TNFRSF8: variants seen among roughly 807,000 people sequenced by gnomAD.
TNFRSF8 encodes the protein TNF receptor superfamily member 8, also known as tumor necrosis factor receptor superfamily member 8.
In TNFRSF8, 26 loss-of-function variants were observed where a neutral mutation model predicts 70.8. That is an observed-to-expected ratio of 0.37 (90% CI 0.27 to 0.51). The LOEUF is 0.51. Ranked by LOEUF, TNFRSF8 falls within the 20% of genes least tolerant of loss-of-function variation. The probability of loss-of-function intolerance (pLI) is 0.94; values close to 1 mark genes in which losing one functional copy is unlikely to be tolerated. For synonymous variants in TNFRSF8, 356 were observed against 339.2 expected (o/e 1.05, Z -0.54); for missense variants, 720 against 807.9 (o/e 0.89, Z 1.32).
intron 3 of TNFRSF8, among the ~76,000 whole-genome samples, chr1:12,097,991 G>A (rs961513932): frequency 1.3e-5 from 2 of 152,036 alleles, no homozygotes; most frequent in Non-Finnish European, 1.5e-5. Flanking sequence ...TTATCTCCCA[G>A]TATACTTGTT....
At chr1:12,069,299 C>T (rs767008236) in intron 1 of TNFRSF8, among the ~76,000 whole-genome samples, 4 of 151,270 alleles carry the variant, frequency 2.6e-5, no homozygotes, top group Non-Finnish European at 4.4e-5. Context: ...CTGCCTCAGC[C>T]TCCCAAGTAG....
intron 3 of TNFRSF8, among the ~76,000 whole-genome samples, 193 bp from the exon 4 acceptor site, chr1:12,104,186 T>A (rs948773599): frequency 3.3e-5 from 5 of 152,248 alleles, no homozygotes; most frequent in African/African-American, 9.6e-5. Flanking sequence ...GTCTTTTTTT[T>A]ATTTTTTTGC....
intron 8 of TNFRSF8, among the ~76,000 whole-genome samples, chr1:12,116,148 ATGT>A (rs139650775): frequency 0.021 from 3,209 of 152,100 alleles, 38 homozygotes; most frequent in Non-Finnish European, 0.033. Context: ...CAGCCGGCTA[ATGT>A]TGTATTTTTA....
chr1:12,115,209 G>A (rs1641705655), intron 7 of TNFRSF8, among the ~76,000 whole-genome samples: 1 of 152,146 alleles, frequency 6.6e-6, no homozygotes, highest in Non-Finnish European at 1.5e-5. Flanking sequence ...ATGGTAAAGT[G>A]CATAGATTAA....
chr1:12,112,272 G>A lies in TNFRSF8; in HGVS notation c.793+258G>A, dbSNP rs763728244. On this transcript the variant is annotated intron_variant, in intron 7 of 14. Coordinates refer to ENST00000263932, the MANE Select transcript of TNFRSF8 (RefSeq NM_001243.5). This position sits in a 1 kb window ranked among gnomAD's most constrained non-coding sequence, Gnocchi z 5.3. Reference sequence around the variant, plus strand: ...ATTCCCCTTTTACAGAGGAGGAAACGGAGGCTTTGGGAAGTCAGGGAACTT... The same window carrying A: ...ATTCCCCTTTTACAGAGGAGGAAACAGAGGCTTTGGGAAGTCAGGGAACTT... Among the ~76,000 whole-genome samples, 2 of 152,154 alleles carry A rather than the reference G, an allele frequency of 1.3e-5. No homozygotes were observed. The highest frequency in any genetic ancestry group is 2.4e-5 in the African/African-American group (1 of 41,438).
chr1:12,120,302 G>A (rs1319087443), intron 8 of TNFRSF8, among the ~76,000 whole-genome samples: 2 of 152,196 alleles, frequency 1.3e-5, no homozygotes, highest in African/African-American at 4.8e-5. Flanking sequence ...GTATAGACCA[G>A]TTGAGCCAGA....
intron 1 of TNFRSF8, among the ~76,000 whole-genome samples, chr1:12,079,509 G>A (rs1390557946): frequency 1.3e-5 from 2 of 152,220 alleles, no homozygotes; most frequent in African/African-American, 4.8e-5. Context: ...GAGCCAGGCA[G>A]GGTGGGCCTG....
intron 1 of TNFRSF8, among the ~76,000 whole-genome samples, chr1:12,074,537 C>G (rs757450669): frequency 1.3e-5 from 2 of 152,164 alleles, no homozygotes; most frequent in Non-Finnish European, 2.9e-5. Context: ...GCCTCGGCCT[C>G]CCAAAGTGCT....
chr1:12,103,494 G>A (rs1641460904), intron 3 of TNFRSF8, among the ~76,000 whole-genome samples: 1 of 152,072 alleles, frequency 6.6e-6, no homozygotes, highest in African/African-American at 2.4e-5. Flanking sequence ...GTTTGAAACA[G>A]GGTATCACTC....
intron 1 of TNFRSF8, 111 bp from the exon 2 acceptor site, chr1:12,084,353 T>G: frequency 3.2e-6 from 3 of 948,992 alleles, no homozygotes; most frequent in Non-Finnish European, 5.0e-6. Flanking sequence ...TCGTCCTGAT[T>G]TCTCTCCTAT....
chr1:12,131,713 C>T (rs528014331), intron 12 of TNFRSF8, among the ~76,000 whole-genome samples: 3 of 151,594 alleles, frequency 2.0e-5, no homozygotes, highest in South Asian at 2.1e-4. Flanking sequence ...AGGCTGGTCT[C>T]TAACTCCTGA....
chr1:12,123,390 C>A lies in TNFRSF8; in HGVS notation c.1040+13C>A. ...AGGCGCCTGCCAGGTGACTCCCCCACCCCTTCTCTCTGTTTGGCTGCTGCA... is the reference window on the plus strand; with the variant it reads ...AGGCGCCTGCCAGGTGACTCCCCCAACCCTTCTCTCTGTTTGGCTGCTGCA... On this transcript the variant is annotated intron_variant, in intron 9 of 14. Coordinates refer to ENST00000263932, the MANE Select transcript of TNFRSF8 (RefSeq NM_001243.5). 6.3e-7 allele frequency: 1 copy of A among 1,596,386 alleles called. No individual in the cohort carries two copies. Among genetic ancestry groups the A allele is most frequent in the Non-Finnish European group, 8.5e-7 (1 of 1,171,380 alleles).
rs11569864 is a variant in TNFRSF8 at position 12,108,466 on chromosome 1, C to T, written c.422-1100C>T. ...ACCATATGTCATGCAATGTGATGGG[C>T]ACCTCACGTGCACTCTTCTGTTTAT... On this transcript the variant is annotated intron_variant, in intron 4 of 14. Coordinates refer to ENST00000263932, the MANE Select transcript of TNFRSF8 (RefSeq NM_001243.5). This position sits in a 1 kb window ranked among gnomAD's most constrained non-coding sequence, Gnocchi z 4.0. 0.058 allele frequency among the ~76,000 whole-genome samples: 8,758 copies of T among 152,248 alleles called. 341 individuals carry two copies. The highest frequency in any genetic ancestry group is 0.08 in the Non-Finnish European group (5,460 of 68,014).
chr1:12,064,778 C>G (rs141823782), intron 1 of TNFRSF8, among the ~76,000 whole-genome samples: 185 of 152,290 alleles, frequency 1.2e-3, no homozygotes, highest in African/African-American at 4.0e-3. Flanking sequence ...CCTTTCCCCC[C>G]AAGAGGGCAG....
In TNFRSF8 at chr1:12,119,845, T is replaced by G. The variant is rs750108241; in HGVS notation, c.947-3439T>G. On this transcript the variant is annotated intron_variant, in intron 8 of 14. Transcript: ENST00000263932. The surrounding 1 kb of genome is among the most constrained non-coding windows in gnomAD (Gnocchi z 4.4). ...TACCTAGGAGGAGTGGCTAGGTCAT[T>G]GTGCTGGTCACATAGTCAGAATGTT... Among the ~76,000 whole-genome samples the G allele has an allele frequency of 5.2e-4, 79 of 152,298 alleles. No homozygotes were observed. Among genetic ancestry groups the G allele is most frequent in the Non-Finnish European group, 9.0e-4 (61 of 68,012 alleles).
rs780878601 is a variant in TNFRSF8, at chr1:12,110,117, G to C, written c.589G>C (p.Gly197Arg). 6.2e-7 allele frequency: 1 copy of C among 1,613,606 alleles called. No individual in the cohort carries two copies. The highest frequency in any genetic ancestry group is 1.7e-5 in the Admixed American group (1 of 59,942). The change falls in exon 6 of 15, where the codon GGC becomes CGC. Residue 197 changes from glycine (G) to arginine (R), a missense_variant. By Grantham distance (125) the Gly-to-Arg change is moderately radical. Transcript: ENST00000263932. The surrounding 1 kb of genome is among the most constrained non-coding windows in gnomAD (Gnocchi z 4.0). ...SSASTMPVRG[G>R]TRLAQEAASK... ...TGCCAGCACCATGCCTGTAAGAGGG[G>C]GCACCCGCCTCGCCCAGGAAGCTGC...
At position 12,123,937 on chromosome 1, in the gene TNFRSF8, A is replaced by G. The variant is rs1020361373; in HGVS notation, c.1153+110A>G. 9.6e-6 allele frequency: 9 copies of G among 933,968 alleles called. No individual in the cohort carries two copies. The African/African-American group carries it at 1.3e-4, about 14-fold the overall frequency. 57.9% of individuals were successfully genotyped at this position (933,968 alleles called of 1,614,324 possible). On this transcript the variant is annotated intron_variant, in intron 10 of 14. Coordinates refer to ENST00000263932, the MANE Select transcript of TNFRSF8 (RefSeq NM_001243.5). ...TCTCCTTTGTGGGTATGGTCTGAGA[A>G]GGGGGATTAAGGTTGACCCCAGGTT...
At position 12,138,228 on chromosome 1, in the gene TNFRSF8, G is replaced by A. The variant is rs1642183723; in HGVS notation, c.1336-1G>A. The A allele has an allele frequency of 2.5e-6, 4 of 1,613,286 alleles. No homozygotes were observed. The highest frequency in any genetic ancestry group is 3.4e-6 in the Non-Finnish European group (4 of 1,179,640). On this transcript the variant is annotated splice_acceptor_variant, in intron 13 of 14. Transcript: ENST00000263932. LOFTEE classifies it high-confidence loss of function. This position sits in a 1 kb window ranked among gnomAD's most constrained non-coding sequence, Gnocchi z 5.7. ...CAGCAGCACCCATTCCCGTCCCACA[G>A]CAGCTGAGGAGTGGTGCGTCGGTGA...
At chr1:12,087,700 C>T (rs1641179872) in intron 2 of TNFRSF8, among the ~76,000 whole-genome samples, 3 of 152,176 alleles carry the variant, frequency 2.0e-5, no homozygotes, top group Non-Finnish European at 4.4e-5. Flanking sequence ...ATCCCAGCCA[C>T]AAGGAGAAAG....
Sources: gnomAD v4.1 joint callset for allele counts (sites outside exome capture counted in the v4.1 genomes callset) on GRCh38, gnomAD v4.1.1 for gene constraint, Gnocchi (gnomAD v3.1) non-coding constraint, MANE v1.5 for transcripts, NCBI Gene and HGNC (gene_info 2026-07-23, HGNC 2026-07-21) for gene names.